Variants in ASPRV1 observed in about 807,000 individuals in gnomAD.
The protein encoded by ASPRV1 is retroviral-like aspartic protease 1.
ASPRV1 carries 7 observed loss-of-function variants against 11.0 expected under a neutral mutation model. The ratio of observed to expected loss-of-function variants is 0.64; its 90% CI spans 0.36 to 1.20. The LOEUF (loss-of-function observed/expected upper bound fraction) is 1.20. Among genes scored for constraint, ASPRV1 ranks in the 50% most tolerant of loss-of-function variants. The pLI is 0.02. For synonymous variants in ASPRV1, 136 were observed against 138.4 expected (o/e 0.98, Z 0.12); for missense variants, 299 against 320.0 (o/e 0.93, Z 0.50).
At chr2:70,008,116 A>G in the ASPRV1 span, among the ~76,000 whole-genome samples, 2 of 151,944 alleles carry the variant, frequency 1.3e-5, no homozygotes, top group Admixed American at 1.3e-4. Flanking sequence ...GATTATAGGC[A>G]TGAGCCACCG....
chr2:70,002,815 A>G, the ASPRV1 span, among the ~76,000 whole-genome samples: 1 of 152,204 alleles, frequency 6.6e-6, no homozygotes, highest in African/African-American at 2.4e-5. Context: ...TGATCAGAAT[A>G]GCCCTATGTC....
chr2:70,017,581 AG>A, the ASPRV1 span, among the ~76,000 whole-genome samples: 74 of 152,376 alleles, frequency 4.9e-4, no homozygotes, highest in African/African-American at 1.8e-3. Flanking sequence ...CAAATCGCAA[AG>A]GAAAAAGTTA....
chr2:70,082,171 GAC>G, the ASPRV1 span, among the ~76,000 whole-genome samples: 2 of 151,894 alleles, frequency 1.3e-5, no homozygotes, highest in African/African-American at 2.4e-5. Context: ...TTTTAGTAGA[GAC>G]ACAGTTTTGC....
the ASPRV1 span, among the ~76,000 whole-genome samples, chr2:69,978,516 A>G: frequency 6.6e-6 from 1 of 152,334 alleles, no homozygotes; most frequent in East Asian, 1.9e-4. Context: ...ATTAAAGGAG[A>G]TAACGCATAA....
At chr2:70,067,569 C>T in the ASPRV1 span, among the ~76,000 whole-genome samples, 1 of 152,168 alleles carries the variant, frequency 6.6e-6, no homozygotes, top group Admixed American at 6.5e-5. Context: ...ATGAGATATG[C>T]CTGTTTGTAC....
the ASPRV1 span, among the ~76,000 whole-genome samples, chr2:69,935,771 G>A: frequency 2.0e-5 from 3 of 152,164 alleles, no homozygotes; most frequent in East Asian, 1.9e-4. Flanking sequence ...TTTTGCAACC[G>A]GTCTACTTCC....
At chr2:70,072,321 G>C in the ASPRV1 span, among the ~76,000 whole-genome samples, 2 of 152,154 alleles carry the variant, frequency 1.3e-5, no homozygotes, top group African/African-American at 4.8e-5. Flanking sequence ...AGAAGACTGA[G>C]GCAGGGGGAT....
chr2:69,961,377 T>C lies in ASPRV1; in HGVS notation c.60A>G (p.Glu20=). The C allele has an allele frequency of 1.2e-6, 2 of 1,614,100 alleles. No homozygotes were observed. The highest frequency in any genetic ancestry group is 1.7e-6 in the Non-Finnish European group (2 of 1,180,016). ...GGACGACATTGGCCCCATCAAAAGG[T>C]TCCGGGACGAAGGCATGCTGCCGGC... ...EGRRQHAFVP[E]PFDGANVVPN... Residue 20 remains glutamate (E), a synonymous_variant, in exon 1 of 1, where the codon GAA becomes GAG. Coordinates refer to ENST00000320256, the MANE Select transcript of ASPRV1 (RefSeq NM_152792.4).
At chr2:69,984,316 G>A in the ASPRV1 span, among the ~76,000 whole-genome samples, 1 of 152,164 alleles carries the variant, frequency 6.6e-6, no homozygotes, top group Non-Finnish European at 1.5e-5. Context: ...TGGGATTACA[G>A]GTGTGAGCCA....
chr2:70,059,273 T>TA, the ASPRV1 span, among the ~76,000 whole-genome samples: 42 of 148,582 alleles, frequency 2.8e-4, no homozygotes, highest in African/African-American at 1.0e-3. Flanking sequence ...TTTTTTTTTT[T>TA]ATGGTAAATT....
the ASPRV1 span, among the ~76,000 whole-genome samples, chr2:70,044,254 A>G: frequency 6.6e-6 from 1 of 152,214 alleles, no homozygotes; most frequent in Non-Finnish European, 1.5e-5. Context: ...AAGCAATAGC[A>G]AACAGCTAGG....
the ASPRV1 span, among the ~76,000 whole-genome samples, chr2:70,027,175 T>C: frequency 2.9e-4 from 44 of 149,996 alleles, no homozygotes; most frequent in Non-Finnish European, 5.9e-4. Flanking sequence ...GGAGGACCAC[T>C]TGAGCCTGGG....
the ASPRV1 span, among the ~76,000 whole-genome samples, chr2:70,068,659 G>C: frequency 6.6e-6 from 1 of 152,054 alleles, no homozygotes; most frequent in African/African-American, 2.4e-5. Flanking sequence ...GCCAGGCACA[G>C]TGGCTCATGC....
chr2:69,991,857 G>A, the ASPRV1 span, among the ~76,000 whole-genome samples: 1 of 152,158 alleles, frequency 6.6e-6, no homozygotes, highest in Non-Finnish European at 1.5e-5. Context: ...TTTAAAAAAA[G>A]GAAAAGAGAA....
At chr2:70,037,449 G>A in the ASPRV1 span, among the ~76,000 whole-genome samples, 1,388 of 152,184 alleles carry the variant, frequency 9.1e-3, 27 homozygotes, top group African/African-American at 0.032. Flanking sequence ...TCAGCCTCCT[G>A]AGCTACTGCT....
chr2:70,068,630 A>G, the ASPRV1 span, among the ~76,000 whole-genome samples: 1 of 152,130 alleles, frequency 6.6e-6, no homozygotes, highest in Non-Finnish European at 1.5e-5. Context: ...GATGAAGGCA[A>G]GTTAAAGCCT....
the ASPRV1 span, chr2:70,085,716 T>C: frequency 6.6e-6 from 1 of 152,268 alleles, no homozygotes; most frequent in Admixed American, 6.5e-5. Context: ...TGAACTGCCT[T>C]GCATCGGATG....
At chr2:69,956,071 A>G (rs1677929563), downstream of ASPRV1, among the ~76,000 whole-genome samples, 2 of 152,224 alleles carry the variant, frequency 1.3e-5, no homozygotes. Context: ...ATCTTGTGCC[A>G]GAAAATAAGG....
chr2:69,947,141 T>TAA, the ASPRV1 span, among the ~76,000 whole-genome samples: 1 of 152,212 alleles, frequency 6.6e-6, no homozygotes, highest in African/African-American at 2.4e-5. Flanking sequence ...GTTGTGATGA[T>TAA]TCTTGGCTAC....
Sources: gnomAD v4.1 joint callset for allele counts (sites outside exome capture counted in the v4.1 genomes callset) on GRCh38, gnomAD v4.1.1 for gene constraint, MANE v1.5 for transcripts, NCBI Gene and HGNC (gene_info 2026-07-23, HGNC 2026-07-21) for gene names.